DNAH5: variants seen among roughly 807,000 people sequenced by gnomAD.
DNAH5 encodes axonemal beta dynein heavy chain 5.
DNAH5 carries 372 observed loss-of-function variants against 518.2 expected under a neutral mutation model. That is an observed-to-expected ratio of 0.72 (90% confidence interval 0.66 to 0.78). DNAH5 has a LOEUF of 0.78. DNAH5 is among the 30% of genes least tolerant of loss of function. The pLI is 0.00. For missense variants in DNAH5, 5,523 were observed against 5,687.0 expected, an observed-to-expected ratio of 0.97 and a Z score of 0.93; for synonymous variants, 2,039 against 2,025.9, an observed-to-expected ratio of 1.01 and a Z score of -0.17.
intron 68 of DNAH5, 148 bp downstream of exon 68, chr5:13,734,983 C>T (rs948764947): frequency 2.6e-6 from 2 of 759,742 alleles, no homozygotes; most frequent in African/African-American, 3.5e-5. Flanking sequence ...AGTTATCACT[C>T]AAGAAAAGAA....
At chr5:14,004,318 G>T (rs138243816) in intron 1 of DNAH5, among the ~76,000 whole-genome samples, 15 of 152,158 alleles carry the variant, frequency 9.9e-5, no homozygotes, top group Non-Finnish European at 2.1e-4. Context: ...ACCTTTCTCT[G>T]ATGAGCTGCG....
chr5:13,954,288 AAACT>A (rs200250057), intron 1 of DNAH5, among the ~76,000 whole-genome samples: 1,960 of 152,310 alleles, frequency 0.013, 48 homozygotes, highest in African/African-American at 0.044. Context: ...AAAGGAGATA[AAACT>A]AACTAAGTGA....
chr5:13,724,313 T>G (rs1745439488), intron 70 of DNAH5, among the ~76,000 whole-genome samples: 2 of 152,230 alleles, frequency 1.3e-5, no homozygotes, highest in Non-Finnish European at 2.9e-5. Context: ...GTTTCAGACT[T>G]GCATAGGGCC....
chr5:13,908,336 T>C (rs1228713273), intron 12 of DNAH5, among the ~76,000 whole-genome samples: 1 of 152,180 alleles, frequency 6.6e-6, no homozygotes, highest in Non-Finnish European at 1.5e-5. Context: ...ATGTATAAAT[T>C]ATGCAAAACT....
chr5:13,717,612 A>C (rs889974036), intron 72 of DNAH5, 92 bp from the exon 73 acceptor site: 2 of 1,068,044 alleles, frequency 1.9e-6, no homozygotes, highest in Admixed American at 2.0e-5. Context: ...TAAATCCCTG[A>C]TATTAAAATT....
intron 1 of DNAH5, among the ~76,000 whole-genome samples, chr5:14,011,584 C>T (rs1785128523): frequency 6.6e-6 from 1 of 152,142 alleles, no homozygotes; most frequent in African/African-American, 2.4e-5. Context: ...GCCGCTCGGC[C>T]GCGCATGCGC....
intron 47 of DNAH5, among the ~76,000 whole-genome samples, chr5:13,797,688 G>GC (rs1202817377): frequency 1.3e-5 from 2 of 152,238 alleles, no homozygotes; most frequent in East Asian, 3.9e-4. Context: ...ATTTGACCCA[G>GC]CAATCCCATT....
chr5:13,722,837 G>A (rs930474350), intron 70 of DNAH5, among the ~76,000 whole-genome samples: 1 of 152,220 alleles, frequency 6.6e-6, no homozygotes, highest in African/African-American at 2.4e-5. Flanking sequence ...TAAGAGGCAT[G>A]CCAACTTTGT....
In DNAH5 at chr5:13,784,163, G is replaced by A. The variant is rs116630049; in HGVS notation, c.8820+2016C>T. 7.4e-3 allele frequency among the ~76,000 whole-genome samples: 1,126 copies of A among 152,294 alleles called. 11 individuals are homozygous for A. Among genetic ancestry groups the A allele is most frequent in the Middle Eastern group, 0.041 (12 of 294 alleles). On this transcript the variant is annotated intron_variant, in intron 52 of 78. Coordinates refer to ENST00000265104, the MANE Select transcript of DNAH5 (RefSeq NM_001369.3). ...ACATAAATAACTGCATCTTCAACTTGAGCTATGAAATCCCAGGTCATTCAG... is the reference window on the plus strand; with the variant it reads ...ACATAAATAACTGCATCTTCAACTTAAGCTATGAAATCCCAGGTCATTCAG...
intron 41 of DNAH5, among the ~76,000 whole-genome samples, chr5:13,818,671 C>A (rs1214980835): frequency 6.6e-6 from 1 of 152,172 alleles, no homozygotes; most frequent in Non-Finnish European, 1.5e-5. Flanking sequence ...GGATACTTGT[C>A]CAAACCTTCC....
At chr5:13,766,300 G>A (rs1752512497) in intron 58 of DNAH5, 121 bp from the exon 59 acceptor site, 8 of 1,015,350 alleles carry the variant, frequency 7.9e-6, no homozygotes, top group Non-Finnish European at 1.2e-5. Context: ...TTAGATGCAG[G>A]CCACAGGGTC....
intron 35 of DNAH5, 26 bp downstream of exon 35, chr5:13,839,330 G>A (rs185937858): frequency 2.7e-5 from 44 of 1,611,090 alleles, no homozygotes; most frequent in Admixed American, 1.7e-4. Flanking sequence ...AAAAATGGTG[G>A]GGGTTGGGGA....
intron 1 of DNAH5, among the ~76,000 whole-genome samples, chr5:13,970,916 C>T (rs563965176): frequency 7.2e-5 from 11 of 152,222 alleles, no homozygotes; most frequent in African/African-American, 2.6e-4. Context: ...TCCTTGGGAA[C>T]ATCAATTATT....
chr5:13,769,630 C>T lies in DNAH5; in HGVS notation c.9606-15G>A, dbSNP rs1434138400. On this transcript the variant is annotated splice_polypyrimidine_tract_variant and intron_variant, in intron 56 of 78. Transcript: ENST00000265104. ...CAGTATTCATTCTGGGATTGAAAATCCAAGCAAGCAATGTTAAAATGTGTA... is the reference window on the plus strand; with the variant it reads ...CAGTATTCATTCTGGGATTGAAAATTCAAGCAAGCAATGTTAAAATGTGTA... 1.2e-6 allele frequency: 2 copies of T among 1,601,314 alleles called. No homozygotes were observed. Among genetic ancestry groups the T allele is most frequent in the African/African-American group, 2.7e-5 (2 of 74,638 alleles).
chr5:13,760,347 AGTT>A (rs1751610442), intron 60 of DNAH5, among the ~76,000 whole-genome samples: 1 of 152,240 alleles, frequency 6.6e-6, no homozygotes, highest in African/African-American at 2.4e-5. Flanking sequence ...TGTGAGCTTC[AGTT>A]TCTTCATTAA....
rs1409827120 is a variant in DNAH5 at position 13,868,512 on chromosome 5, C to T, written c.3835-520G>A. On this transcript the variant is annotated intron_variant, in intron 24 of 78. Coordinates refer to ENST00000265104, the MANE Select transcript of DNAH5 (RefSeq NM_001369.3). ...GTCATTCCCTTCAGCATGTAAAATC[C>T]TGGATGGCTTTCTTCTCTAAAAGGT... Among the ~76,000 whole-genome samples, 3 of 152,128 alleles carry T rather than the reference C, an allele frequency of 2.0e-5. No individual in the cohort carries two copies. The South Asian group carries it at 6.2e-4, about 32-fold the overall frequency.
At chr5:13,974,866 C>T (rs571155039) in intron 1 of DNAH5, among the ~76,000 whole-genome samples, 2 of 152,190 alleles carry the variant, frequency 1.3e-5, no homozygotes, top group South Asian at 2.1e-4. Context: ...CAAGGTGGCT[C>T]GGAAGCCATG....
At chr5:13,944,310 G>GT (rs1453174374) in intron 1 of DNAH5, 72 bp downstream of exon 1, 24 of 1,510,792 alleles carry the variant, frequency 1.6e-5, no homozygotes, top group East Asian at 1.6e-4. Context: ...TTTCAAGTTT[G>GT]TTTTTTCCAC....
In DNAH5 at chr5:13,978,354, T is replaced by C. The variant is rs138531558; in HGVS notation, c.12+33294A>G. The stretch of plus-strand genomic sequence containing the variant: ...GTACGGGAGATTACCGTCCAGAATG[T>C]GGTTGGACTTCTTCCAGTCAGTTGA... On this transcript the variant is annotated intron_variant, in intron 1 of 78. Coordinates refer to the DNAH5 transcript ENST00000681290. 3.9e-5 allele frequency among the ~76,000 whole-genome samples: 6 copies of C among 152,296 alleles called. No individual in the cohort carries two copies. In the East Asian group the frequency reaches 1.2e-3, roughly 29 times the overall value.
Sources: allele counts gnomAD v4.1 joint callset (sites outside exome capture counted in the v4.1 genomes callset), GRCh38; gene constraint gnomAD v4.1.1; transcripts MANE v1.5; gene names NCBI Gene and HGNC (gene_info 2026-07-23, HGNC 2026-07-21).